Variants in ADTRP observed in about 807,000 individuals in gnomAD.
ADTRP encodes androgen-dependent TFPI-regulating protein.
A neutral mutation model predicts 27.0 loss-of-function variants in ADTRP; 20 were observed. That is an observed-to-expected ratio of 0.74 (90% CI 0.52 to 1.08). ADTRP has a LOEUF of 1.08. Among genes scored for constraint, ADTRP ranks in the 50% least tolerant of loss-of-function variants. ADTRP has a pLI of 0.00. For synonymous variants in ADTRP, 101 were observed against 105.2 expected (o/e 0.96, Z 0.25); for missense variants, 251 against 275.0 (o/e 0.91, Z 0.62).
At chr6:11,765,443 TCAGCCTCCTGTGTAG>T (rs1434417309) in intron 3 of ADTRP, among the ~76,000 whole-genome samples, 2 of 148,954 alleles carry the variant, frequency 1.3e-5, no homozygotes, top group Non-Finnish European at 3.0e-5. Context: ...TTCTCCTGCC[TCAGCCTCCTGTGTAG>T]CTGGGATTAC....
chr6:11,729,311 G>A (rs909072275), intron 4 of ADTRP, among the ~76,000 whole-genome samples: 1 of 152,050 alleles, frequency 6.6e-6, no homozygotes, highest in Admixed American at 6.6e-5. Context: ...TTGAGGTGTC[G>A]GCAGTGATGA....
chr6:11,726,111 A>G (rs982859416), intron 4 of ADTRP, among the ~76,000 whole-genome samples: 3 of 152,194 alleles, frequency 2.0e-5, no homozygotes, highest in African/African-American at 7.2e-5. Context: ...CTTTGAAGAC[A>G]TGGTAAGTGA....
intron 3 of ADTRP, among the ~76,000 whole-genome samples, chr6:11,755,563 C>A (rs1763188633): frequency 6.6e-6 from 1 of 152,156 alleles, no homozygotes; most frequent in African/African-American, 2.4e-5. Context: ...TCTTGAGAGG[C>A]AAAATGGCTT....
rs1554114774 is a variant in ADTRP, at chr6:11,758,575, T to TGGA, written c.390+7698_390+7699insTCC. Among the ~76,000 whole-genome samples the TGGA allele has an allele frequency of 1.0e-4, 3 of 29,452 alleles. 1 individual carries two copies. Among genetic ancestry groups the TGGA allele is most frequent in the Non-Finnish European group, 2.1e-4 (3 of 14,050 alleles). 19.3% of individuals were successfully genotyped at this position (29,452 alleles called of 152,430 possible). On this transcript the variant is annotated intron_variant, in intron 3 of 5. Transcript: ENST00000414691. ...TCACACACCGGGGACTGTTGTGGGG[T>TGGA]GGGGGGGGGGGACGGATAGCATTAG...
intron 1 of ADTRP, among the ~76,000 whole-genome samples, chr6:11,777,954 C>T (rs1009175899): frequency 6.6e-6 from 1 of 152,122 alleles, no homozygotes; most frequent in Non-Finnish European, 1.5e-5. Context: ...CTGCTTTTCT[C>T]CCATTCATTC....
intron 3 of ADTRP, among the ~76,000 whole-genome samples, chr6:11,760,839 TAAAA>T (rs1252414537): frequency 6.6e-6 from 1 of 152,212 alleles, no homozygotes; most frequent in Non-Finnish European, 1.5e-5. Context: ...TGGCTTAGGC[TAAAA>T]ATATTTTCTC....
chr6:11,772,139 C>A (rs1763804501), intron 1 of ADTRP, among the ~76,000 whole-genome samples: 1 of 152,200 alleles, frequency 6.6e-6, no homozygotes, highest in South Asian at 2.1e-4. Flanking sequence ...TCTACTTATT[C>A]TAAGTTTATT....
intron 3 of ADTRP, among the ~76,000 whole-genome samples, chr6:11,744,589 G>C (rs1056044188): frequency 1.3e-5 from 2 of 152,122 alleles, no homozygotes; most frequent in Non-Finnish European, 1.5e-5. Flanking sequence ...TCTGAGATGG[G>C]GCCAGGTGGA....
At chr6:11,732,613 A>G (rs1326564286) in intron 4 of ADTRP, among the ~76,000 whole-genome samples, 1 of 152,206 alleles carries the variant, frequency 6.6e-6, no homozygotes, top group Non-Finnish European at 1.5e-5. Flanking sequence ...TTAAGTGTCT[A>G]TATTTGATTT....
At chr6:11,761,287 G>A (rs781677629) in intron 3 of ADTRP, among the ~76,000 whole-genome samples, 4 of 151,806 alleles carry the variant, frequency 2.6e-5, no homozygotes, top group African/African-American at 9.7e-5. Context: ...CCGTTCTCTC[G>A]CCCTATTTAT....
rs531748502 is a variant in ADTRP, at chr6:11,767,146, C to G, written c.289-771G>C. Among the ~76,000 whole-genome samples, 8 of 152,266 alleles carry G rather than the reference C, an allele frequency of 5.3e-5. No individual in the cohort carries two copies. The East Asian group carries it at 1.2e-3, about 22-fold the overall frequency. On this transcript the variant is annotated intron_variant, in intron 2 of 5. Transcript: ENST00000414691. The stretch of plus-strand genomic sequence containing the variant: ...TAGCACTTTGGGAGGCCAAGGCAGG[C>G]AGATCACTTGAGTTCAGGAGTTCGA...
At chr6:11,734,376 C>T (rs1405902033) in intron 4 of ADTRP, among the ~76,000 whole-genome samples, 1 of 152,226 alleles carries the variant, frequency 6.6e-6, no homozygotes, top group Non-Finnish European at 1.5e-5. Context: ...CAGACATCAA[C>T]TATCAGTAGG....
intron 3 of ADTRP, among the ~76,000 whole-genome samples, chr6:11,740,370 C>G (rs977255658): frequency 1.3e-5 from 2 of 149,616 alleles, no homozygotes; most frequent in Non-Finnish European, 2.9e-5. Flanking sequence ...CTTTTGTTTA[C>G]AATATATCAA....
intron 3 of ADTRP, among the ~76,000 whole-genome samples, chr6:11,750,887 A>C (rs565742144): frequency 6.6e-6 from 1 of 152,274 alleles, no homozygotes; most frequent in Admixed American, 6.5e-5. Context: ...AACCTTGCTG[A>C]ATCGCCCAGG....
At position 11,735,588 on chromosome 6, in the gene ADTRP, G is replaced by T; in HGVS notation, c.486C>A (p.Ala162=). Reference sequence around the variant, plus strand: ...CTTACCGGCTGATGTAAGCAATGCTGGCAGCAGCCAGCAAGGTGAGTCCTG... The same window carrying T: ...CTTACCGGCTGATGTAAGCAATGCTTGCAGCAGCCAGCAAGGTGAGTCCTG... The part of the protein sequence containing the change: ...KKTGLTLLAA[A]SIAYISRILW... Residue 162 remains alanine (A), a synonymous_variant, in exon 4 of 6, where the codon GCC becomes GCA. Coordinates refer to ENST00000414691, the MANE Select transcript of ADTRP (RefSeq NM_032744.4). The T allele has an allele frequency of 1.9e-6, 3 of 1,613,602 alleles. No individual in the cohort carries two copies. The highest frequency in any genetic ancestry group is 2.5e-6 in the Non-Finnish European group (3 of 1,179,582).
intron 3 of ADTRP, among the ~76,000 whole-genome samples, chr6:11,761,685 TC>T (rs1160291070): frequency 6.6e-6 from 1 of 152,216 alleles, no homozygotes; most frequent in East Asian, 1.9e-4. Flanking sequence ...CTGGGGACCT[TC>T]TTTTCAAGTG....
chr6:11,749,110 G>A (rs1762960894), intron 3 of ADTRP, among the ~76,000 whole-genome samples: 1 of 152,228 alleles, frequency 6.6e-6, no homozygotes, highest in Non-Finnish European at 1.5e-5. Flanking sequence ...GTTGGCAGTG[G>A]AACTAGAAAG....
intron 1 of ADTRP, among the ~76,000 whole-genome samples, chr6:11,774,578 G>C (rs1342630202): frequency 6.6e-6 from 1 of 151,992 alleles, no homozygotes; most frequent in Non-Finnish European, 1.5e-5. Context: ...CTGGGGCTTG[G>C]GCAACTTATG....
chr6:11,714,632 A>G lies in ADTRP; in HGVS notation c.659-120T>C, dbSNP rs1356580844. The G allele has an allele frequency of 4.4e-6, 5 of 1,136,258 alleles. No individual in the cohort carries two copies. The South Asian group carries it at 5.9e-5, about 13-fold the overall frequency. 70.4% of individuals were successfully genotyped at this position (1,136,258 alleles called of 1,614,324 possible). On this transcript the variant is annotated intron_variant, in intron 5 of 5. Transcript: ENST00000414691. Reference sequence around the variant, plus strand: ...TGGAAAGTTGAACACACTTTTCCCAAGGTGACAAGATGCAGTTTAAGGAGT... The same window carrying G: ...TGGAAAGTTGAACACACTTTTCCCAGGGTGACAAGATGCAGTTTAAGGAGT...
Sources: gnomAD v4.1 joint callset for allele counts (sites outside exome capture counted in the v4.1 genomes callset) on GRCh38, gnomAD v4.1.1 for gene constraint, MANE v1.5 for transcripts, NCBI Gene and HGNC (gene_info 2026-07-23, HGNC 2026-07-21) for gene names.